Variants in MMEL1 observed in about 807,000 individuals in gnomAD.
MMEL1 encodes membrane metalloendopeptidase like 1.
MMEL1 carries 98 observed loss-of-function variants against 117.1 expected under a neutral mutation model. The observed-to-expected ratio is 0.84, with a 90% CI of 0.71 to 0.99. The LOEUF (loss-of-function observed/expected upper bound fraction) is 0.99, where lower values mean the gene tolerates loss of function less well. Ranked by LOEUF, MMEL1 falls within the 50% of genes least tolerant of loss-of-function variation. The pLI is 0.00. For missense variants in MMEL1, 1,014 were observed against 1,049.1 expected (o/e 0.97, Z 0.46); for synonymous variants, 390 against 415.1 (o/e 0.94, Z 0.74).
At chr1:2,625,374 C>T (rs746547748) in intron 2 of MMEL1, among the ~76,000 whole-genome samples, 22 of 152,192 alleles carry the variant, frequency 1.4e-4, no homozygotes, top group Non-Finnish European at 2.5e-4. Flanking sequence ...CTGCCAGTGT[C>T]GAGCGGGGTC....
chr1:2,591,704 C>T, intron 22 of MMEL1, 71 bp from the exon 23 acceptor site: 2 of 1,171,622 alleles, frequency 1.7e-6, no homozygotes, highest in Admixed American at 1.7e-5. Context: ...GGAGGGTCTC[C>T]ACTATCCCCA....
chr1:2,609,251 C>T, intron 6 of MMEL1, 88 bp downstream of exon 6: 1 of 1,323,892 alleles, frequency 7.6e-7, no homozygotes, highest in Non-Finnish European at 1.1e-6. Flanking sequence ...TAGGGGCAGC[C>T]ATGGGGTCCT....
chr1:2,592,689 A>T lies in MMEL1; in HGVS notation c.2033T>A (p.Ile678Asn). 6.2e-7 allele frequency: 1 copy of T among 1,604,982 alleles called. No individual in the cohort carries two copies. Among genetic ancestry groups the T allele is most frequent in the East Asian group, 2.3e-5 (1 of 44,312 alleles). ...VNGFNTLGEN[I>N]ADNGGVRQAY... ...TTGCCGCACCCCTCCGTTGTCAGCA[A>T]TGTTTTCCCCAAGGGTGTTGAATCC... The change falls in exon 21 of 24, where the codon ATT becomes AAT. Residue 678 changes from isoleucine (I) to asparagine (N), a missense_variant. Physicochemically the swap from Ile to Asn is moderately radical, Grantham distance 149. Transcript: ENST00000378412.
chr1:2,602,690 G>A (rs370100465), intron 11 of MMEL1, among the ~76,000 whole-genome samples: 47 of 152,234 alleles, frequency 3.1e-4, no homozygotes, highest in East Asian at 5.8e-4. Context: ...CCCCGAGGTC[G>A]GACACGGCAT....
chr1:2,597,495 G>A (rs1309093206), intron 13 of MMEL1, among the ~76,000 whole-genome samples: 6 of 152,044 alleles, frequency 3.9e-5, no homozygotes, highest in South Asian at 2.1e-4. Flanking sequence ...CAGCTGCTGC[G>A]GTCAACACCT....
chr1:2,603,777 T>C, intron 11 of MMEL1, 107 bp downstream of exon 11: 1 of 998,028 alleles, frequency 1.0e-6, no homozygotes, highest in South Asian at 1.5e-5. Context: ...ATGGGGAATG[T>C]TTCTGAGCTT....
rs1265499044 is a variant in MMEL1 at position 2,595,381 on chromosome 1, G to A, written c.1501-22C>T. On this transcript the variant is annotated intron_variant, in intron 15 of 23. Transcript: ENST00000378412. This position sits in a 1 kb window ranked among gnomAD's most constrained non-coding sequence, Gnocchi z 4.8. ...TGGCCTGAGTGGGGAGGAGGGACTG[G>A]TCAGTGGGTGCCCCACTGCGGATGG... 2 of 1,609,714 alleles carry A rather than the reference G, an allele frequency of 1.2e-6. No homozygotes were observed. Among genetic ancestry groups the A allele is most frequent in the Non-Finnish European group, 1.7e-6 (2 of 1,176,714 alleles).
intron 2 of MMEL1, among the ~76,000 whole-genome samples, chr1:2,620,724 A>C (rs928551340): frequency 6.6e-6 from 1 of 151,822 alleles, no homozygotes; most frequent in Non-Finnish European, 1.5e-5. Context: ...GAAGGTGGCC[A>C]TTTGGTAGAC....
Position 2,591,646 on chromosome 1 carries a change from TG to T in MMEL1, c.2164-14del. 1.6e-6 allele frequency: 2 copies of T among 1,234,020 alleles called. No homozygotes were observed. The highest frequency in any genetic ancestry group is 5.2e-5 in the East Asian group (1 of 19,094). The allele number at this position is 1,234,020 out of a possible 1,614,324, so 76.4% of individuals were successfully genotyped here. A position where few individuals can be genotyped will look rare whatever the true frequency, so the allele number is the denominator to read the frequency against. Reference sequence around the variant, plus strand: ...ACCCGCACCACACCTGTGGGCATGTTGGGGGCGTGGCTACAGGTGGCGTGGT... The same window carrying T: ...ACCCGCACCACACCTGTGGGCATGTTGGGGCGTGGCTACAGGTGGCGTGGT... On this transcript the variant is annotated splice_polypyrimidine_tract_variant and intron_variant, in intron 22 of 23. Coordinates refer to ENST00000378412, the MANE Select transcript of MMEL1 (RefSeq NM_033467.4).
chr1:2,596,285 C>T (rs540748499), intron 14 of MMEL1, among the ~76,000 whole-genome samples, 178 bp from the exon 15 acceptor site: 19 of 152,230 alleles, frequency 1.2e-4, no homozygotes, highest in African/African-American at 4.3e-4. Context: ...AACCCAACTT[C>T]AGGGTCCTCC....
chr1:2,619,989 T>C lies in MMEL1; in HGVS notation c.155-7785A>G, dbSNP rs375743938. Among the ~76,000 whole-genome samples the C allele has an allele frequency of 5.9e-5, 9 of 152,222 alleles. No individual in the cohort carries two copies. In the East Asian group the frequency reaches 1.4e-3, roughly 23 times the overall value. ...AATGGAAAAGGAGAGAAAAGGGATA[T>C]TGTGGGAGATACACCATCCAGGAAG... On this transcript the variant is annotated intron_variant, in intron 2 of 23. Transcript: ENST00000378412.
rs191236858 is a variant in MMEL1, at chr1:2,609,442, G to C, written c.455-23C>G. 122 of 1,603,628 alleles carry C rather than the reference G, an allele frequency of 7.6e-5. No individual in the cohort carries two copies. In the African/African-American group the frequency reaches 1.3e-3, roughly 17 times the overall value. ...CCGCTGTGGGCACAGGAAAAGGTTGGACAGAGGCCTGACGAGGCTGCAGGG... is the reference window on the plus strand; with the variant it reads ...CCGCTGTGGGCACAGGAAAAGGTTGCACAGAGGCCTGACGAGGCTGCAGGG... On this transcript the variant is annotated intron_variant, in intron 5 of 23. Coordinates refer to ENST00000378412, the MANE Select transcript of MMEL1 (RefSeq NM_033467.4).
Position 2,632,865 on chromosome 1 carries a change from C to A in MMEL1, c.-38+1G>T. 1.0e-6 allele frequency: 1 copy of A among 985,632 alleles called. No homozygotes were observed. The highest frequency in any genetic ancestry group is 1.2e-6 in the Non-Finnish European group (1 of 830,022). The allele number at this position is 985,632 out of a possible 1,614,324, so 61.1% of individuals were successfully genotyped here. A position where few individuals can be genotyped will look rare whatever the true frequency, so the allele number is the denominator to read the frequency against. On this transcript the variant is annotated splice_donor_variant, in intron 1 of 23. Transcript: ENST00000378412. LOFTEE classifies it low-confidence loss of function (5UTR_SPLICE). ...GGGTACCTTCCTTCAGCACAACTCA[C>A]CTTTGCTCACTCAGGAGTGGCTGCC...
intron 2 of MMEL1, among the ~76,000 whole-genome samples, chr1:2,619,654 TCAAA>T (rs548489376): frequency 3.0e-4 from 5 of 16,472 alleles, no homozygotes; most frequent in Non-Finnish European, 5.4e-4. Context: ...TGAGACTCTA[TCAAA>T]AAAAAAAAAA....
intron 11 of MMEL1, among the ~76,000 whole-genome samples, chr1:2,602,828 C>G (rs1461080059): frequency 6.6e-6 from 1 of 152,130 alleles, no homozygotes; most frequent in Non-Finnish European, 1.5e-5. Flanking sequence ...GCCCTTGGTT[C>G]TCTGCAAGGC....
chr1:2,623,386 C>T (rs181929630), intron 2 of MMEL1, among the ~76,000 whole-genome samples: 5 of 152,126 alleles, frequency 3.3e-5, no homozygotes, highest in South Asian at 4.2e-4. Context: ...CATTTCCTTC[C>T]GTACAAGAAA....
intron 11 of MMEL1, among the ~76,000 whole-genome samples, chr1:2,602,516 C>A (rs959961237): frequency 1.3e-5 from 2 of 152,178 alleles, no homozygotes; most frequent in Admixed American, 6.5e-5. Flanking sequence ...ACCACGGGCA[C>A]CCCCCTTGGC....
intron 2 of MMEL1, among the ~76,000 whole-genome samples, chr1:2,627,982 TG>T (rs960112923): frequency 6.6e-6 from 1 of 152,146 alleles, no homozygotes; most frequent in African/African-American, 2.4e-5. Flanking sequence ...CTCTCTGGGA[TG>T]GGTGGGCTCA....
intron 20 of MMEL1, 48 bp from the exon 21 acceptor site, chr1:2,592,768 C>T: frequency 6.2e-7 from 1 of 1,610,162 alleles, no homozygotes; most frequent in South Asian, 1.1e-5. Context: ...TGACTTCCCT[C>T]TCCCTCAGGG....
Sources: gnomAD v4.1 joint callset for allele counts (sites outside exome capture counted in the v4.1 genomes callset) on GRCh38, gnomAD v4.1.1 for gene constraint, Gnocchi (gnomAD v3.1) non-coding constraint, MANE v1.5 for transcripts, NCBI Gene and HGNC (gene_info 2026-07-23, HGNC 2026-07-21) for gene names.